Variants in ATL3 observed in about 807,000 individuals in gnomAD.
ATL3 encodes atlastin GTPase 3.
In ATL3, 49 loss-of-function variants were observed where a neutral mutation model predicts 69.5. The ratio of observed to expected loss-of-function variants is 0.71; its 90% CI spans 0.56 to 0.89. The LOEUF (loss-of-function observed/expected upper bound fraction) is 0.89, where lower values mean the gene tolerates loss of function less well. Ranked by LOEUF, ATL3 falls within the 40% of genes least tolerant of loss-of-function variation. The probability of loss-of-function intolerance (pLI) is 0.00; values close to 1 mark genes in which losing one functional copy is unlikely to be tolerated. For missense variants in ATL3, 606 were observed against 645.7 expected, an observed-to-expected ratio of 0.94 and a Z score of 0.67; for synonymous variants, 214 against 224.1, an observed-to-expected ratio of 0.95 and a Z score of 0.40.
chr11:63,646,150 A>G (rs1939872126), intron 6 of ATL3, among the ~76,000 whole-genome samples: 1 of 152,116 alleles, frequency 6.6e-6, no homozygotes, highest in South Asian at 2.1e-4. Flanking sequence ...GGGTCTCCCC[A>G]AAGTGCTGGG....
rs1461407892 is a variant in ATL3 at position 63,626,337 on chromosome 11, C to T, written c.*2982G>A. 2 of 152,232 alleles carry T rather than the reference C, an allele frequency of 1.3e-5. No homozygotes were observed. The highest frequency in any genetic ancestry group is 2.9e-5 in the Non-Finnish European group (2 of 68,108). The allele number at this position is 152,232 out of a possible 1,614,324, so 9.4% of individuals were successfully genotyped here. ...GGAGGTTGCAGTGAGCGAGATTGCA[C>T]CACTGCACTCCAACCTGGGCGACAG... is the stretch of plus-strand genomic sequence containing the variant. On this transcript the variant is annotated 3_prime_UTR_variant, in exon 13 of 13. Coordinates refer to ENST00000398868, the MANE Select transcript of ATL3 (RefSeq NM_015459.5).
chr11:63,655,553 T>C (rs1298658106), intron 3 of ATL3, among the ~76,000 whole-genome samples: 1 of 151,792 alleles, frequency 6.6e-6, no homozygotes, highest in East Asian at 1.9e-4. Context: ...GTTCCAGCGA[T>C]TCTCCCACCT....
At position 63,631,258 on chromosome 11, in the gene ATL3, A is replaced by G; in HGVS notation, c.1321T>C (p.Phe441Leu). Residue 441 changes from phenylalanine to leucine, a missense_variant, in exon 12 of 13, where the codon TTC (phenylalanine) becomes CTC (leucine). By Grantham distance (22) the Phe-to-Leu change is conservative. Coordinates refer to ENST00000398868, the MANE Select transcript of ATL3 (RefSeq NM_015459.5). ...HNGSKNVFST[F>L]RTPAVLFTGI... is the part of the protein sequence containing the mutation. ...GTGAACAGCACTGCAGGGGTTCGGA[A>G]GGTGCTGAAGACGTTCTTGCTACCA... 1 of 1,614,252 alleles carries G rather than the reference A, an allele frequency of 6.2e-7. No individual in the cohort carries two copies. Among genetic ancestry groups the G allele is most frequent in the East Asian group, 2.2e-5 (1 of 44,892 alleles).
chr11:63,639,507 G>A (rs921618082), intron 8 of ATL3, among the ~76,000 whole-genome samples: 1 of 152,190 alleles, frequency 6.6e-6, no homozygotes, highest in Non-Finnish European at 1.5e-5. Flanking sequence ...AACACTTTGA[G>A]AAGCTGAAGT....
At chr11:63,671,549 G>C, upstream of ATL3, 1 of 1,418,842 alleles carries the variant, frequency 7.0e-7, no homozygotes. Context: ...AGCGCAGGAC[G>C]AGGCTAGGCG....
rs569612987 is a variant in ATL3, at chr11:63,658,633, T to C, written c.405+128A>G. 2.5e-5 allele frequency: 27 copies of C among 1,098,436 alleles called. 1 individual carries two copies. The allele number at this position is 1,098,436 out of a possible 1,614,324, so 68.0% of individuals were successfully genotyped here. On this transcript the variant is annotated intron_variant, in intron 3 of 12. Coordinates refer to ENST00000398868, the MANE Select transcript of ATL3 (RefSeq NM_015459.5). ...ATTTCAGGACAAAACAGGGACTTTTTAACTTTTCTTACTTTACCCATTTTA... is the reference window on the plus strand; with the variant it reads ...ATTTCAGGACAAAACAGGGACTTTTCAACTTTTCTTACTTTACCCATTTTA...
intron 11 of ATL3, among the ~76,000 whole-genome samples, chr11:63,631,838 C>T (rs751898134): frequency 2.6e-5 from 4 of 152,056 alleles, no homozygotes; most frequent in Non-Finnish European, 4.4e-5. Flanking sequence ...AAAAATTAGC[C>T]GGGCGTGATG....
rs751929370 is a variant in ATL3, at chr11:63,644,258, G to A, written c.622C>T (p.Leu208=). 2 of 1,590,926 alleles carry A rather than the reference G, an allele frequency of 1.3e-6. No homozygotes were observed. Among genetic ancestry groups the A allele is most frequent in the South Asian group, 1.1e-5 (1 of 89,216 alleles). The change falls in exon 7 of 13, where the codon CTG becomes TTG. Residue 208 remains leucine (L), a synonymous_variant. Transcript: ENST00000398868. ...CTCCAATCTCTAACCAAAAACATCA[G>A]TGTCTATTTAAGAAAAGAGCGGAAC... ...DEIFQKPFQT[L]MFLVRDWSFP... is the part of the protein sequence containing the mutation.
chr11:63,662,681 G>C (rs1030450541), intron 1 of ATL3, among the ~76,000 whole-genome samples: 1 of 152,142 alleles, frequency 6.6e-6, no homozygotes, highest in African/African-American at 2.4e-5. Flanking sequence ...GTTTCACCAT[G>C]TTGCCCAGGC....
rs138167002 is a variant in ATL3 at position 63,627,891 on chromosome 11, T to A, written c.*1428A>T. ...AAAATTAAATAGATAATTCACTAAATAAAATGGGTTAATTTTAGCTTCATT... is the reference window on the plus strand; with the variant it reads ...AAAATTAAATAGATAATTCACTAAAAAAAATGGGTTAATTTTAGCTTCATT... On this transcript the variant is annotated 3_prime_UTR_variant, in exon 13 of 13. Transcript: ENST00000398868. 32 of 152,314 alleles carry A rather than the reference T, an allele frequency of 2.1e-4. No individual in the cohort carries two copies. The East Asian group carries it at 6.2e-3, about 29-fold the overall frequency. 9.4% of individuals were successfully genotyped at this position (152,314 alleles called of 1,614,324 possible).
chr11:63,661,695 G>A (rs1227870987), intron 1 of ATL3, among the ~76,000 whole-genome samples: 1 of 151,842 alleles, frequency 6.6e-6, no homozygotes, highest in Non-Finnish European at 1.5e-5. Context: ...TTCCAGACCA[G>A]CCTGACCAAC....
chr11:63,643,019 G>A (rs983644505), intron 8 of ATL3, among the ~76,000 whole-genome samples: 2 of 152,198 alleles, frequency 1.3e-5, no homozygotes, highest in African/African-American at 4.8e-5. Flanking sequence ...GCATCATGCT[G>A]CCTTCCCTTA....
chr11:63,666,883 T>C (rs1327547835), intron 1 of ATL3, among the ~76,000 whole-genome samples: 1 of 152,238 alleles, frequency 6.6e-6, no homozygotes, highest in Non-Finnish European at 1.5e-5. Flanking sequence ...TACATGAATA[T>C]GGATAACGTG....
At chr11:63,671,427 G>C, upstream of ATL3, 7 of 1,513,822 alleles carry the variant, frequency 4.6e-6, no homozygotes, top group Non-Finnish European at 6.2e-6. Flanking sequence ...AGCGGGAAAC[G>C]GGCGGAGCCT....
At position 63,652,532 on chromosome 11, in the gene ATL3, T is replaced by C; in HGVS notation, c.449A>G (p.Gln150Arg). 2.5e-6 allele frequency: 4 copies of C among 1,612,392 alleles called. No individual in the cohort carries two copies. Among genetic ancestry groups the C allele is most frequent in the Non-Finnish European group, 3.4e-6 (4 of 1,178,856 alleles). ...GGTAGCACAGTCTTTCACAGTTGAC[T>C]GGCTGTCAAATGCCCCCTGGGTATC... Reference protein sequence around the residue: ...LMDTQGAFDSQSTVKDCATIF... With the variant: ...LMDTQGAFDSRSTVKDCATIF... Residue 150 changes from glutamine to arginine, a missense_variant, in exon 4 of 13, where the codon CAG becomes CGG. Physicochemically the swap from Gln to Arg is conservative, Grantham distance 43. Coordinates refer to ENST00000398868, the MANE Select transcript of ATL3 (RefSeq NM_015459.5).
chr11:63,661,692 C>A (rs1295683061), intron 1 of ATL3, among the ~76,000 whole-genome samples: 1 of 152,088 alleles, frequency 6.6e-6, no homozygotes, highest in Non-Finnish European at 1.5e-5. Context: ...GAGTTCCAGA[C>A]CAGCCTGACC....
intron 1 of ATL3, among the ~76,000 whole-genome samples, chr11:63,662,409 G>A (rs934985958): frequency 1.4e-4 from 21 of 152,160 alleles, no homozygotes; most frequent in Admixed American, 3.3e-4. Flanking sequence ...AATTATGCAT[G>A]TTAATGTATA....
chr11:63,630,138 C>T (rs947993627), intron 12 of ATL3, among the ~76,000 whole-genome samples: 2 of 151,332 alleles, frequency 1.3e-5, no homozygotes, highest in African/African-American at 4.9e-5. Context: ...GCCGACCAGG[C>T]GCAATAGCTC....
chr11:63,652,393 GAAC>G lies in ATL3; in HGVS notation c.510+75_510+77del, dbSNP rs1590736160. ...TATCATCCTAGAAATTCTGTTAACA[GAAC>G]AATAACCAAAACTGTATTTCCTCCC... is the stretch of plus-strand genomic sequence containing the variant. On this transcript the variant is annotated intron_variant, in intron 4 of 12. Coordinates refer to ENST00000398868, the MANE Select transcript of ATL3 (RefSeq NM_015459.5). The G allele has an allele frequency of 7.6e-6, 7 of 915,074 alleles. No individual in the cohort carries two copies. The East Asian group carries it at 1.9e-4, about 24-fold the overall frequency. 56.7% of individuals were successfully genotyped at this position (915,074 alleles called of 1,614,324 possible).
Sources: allele counts gnomAD v4.1 joint callset (sites outside exome capture counted in the v4.1 genomes callset), GRCh38; gene constraint gnomAD v4.1.1; transcripts MANE v1.5; gene names NCBI Gene and HGNC (gene_info 2026-07-23, HGNC 2026-07-21).